VPS37C: variants seen among roughly 807,000 people sequenced by gnomAD.
VPS37C encodes vacuolar protein sorting-associated protein 37C.
A neutral mutation model predicts 16.1 loss-of-function variants in VPS37C; 9 were observed. That is an observed-to-expected ratio of 0.56 (90% CI 0.34 to 0.97). The LOEUF is 0.97. Ranked by LOEUF, VPS37C falls within the 50% of genes least tolerant of loss-of-function variation. The pLI, the probability that VPS37C is intolerant of heterozygous loss-of-function variation, is 0.02. For missense variants in VPS37C, 479 were observed against 472.7 expected (o/e 1.01, Z -0.12); for synonymous variants, 207 against 206.4 (o/e 1.00, Z -0.02).
chr11:61,139,804 T>C (rs1276047068), intron 1 of VPS37C, among the ~76,000 whole-genome samples: 3 of 149,316 alleles, frequency 2.0e-5, no homozygotes. Context: ...AAAGCAATGG[T>C]GCAAACAGGG....
At chr11:61,135,069 C>T (rs556659463) in intron 2 of VPS37C, among the ~76,000 whole-genome samples, 1 of 152,336 alleles carries the variant, frequency 6.6e-6, no homozygotes, top group South Asian at 2.1e-4. Flanking sequence ...GGCCTCGGCA[C>T]CCGCCACAGG....
At chr11:61,140,317 G>T (rs1316667230) in intron 1 of VPS37C, among the ~76,000 whole-genome samples, 1 of 152,158 alleles carries the variant, frequency 6.6e-6, no homozygotes, top group Non-Finnish European at 1.5e-5. Flanking sequence ...GTAAGAGGAG[G>T]ACTGAGAAAC....
chr11:61,134,095 T>G lies in VPS37C; in HGVS notation c.206A>C (p.Asp69Ala). 6.2e-7 allele frequency: 1 copy of G among 1,613,946 alleles called. No homozygotes were observed. Among genetic ancestry groups the G allele is most frequent in the Non-Finnish European group, 8.5e-7 (1 of 1,179,938 alleles). ...PLEISRSNLSDRYQELRKLVE... is the reference protein window; with the variant it reads ...PLEISRSNLSARYQELRKLVE... ...GAGCTTCCGGAGCTCCTGGTATCTA[T>G]CCGAGAGGTTTGAGCGGCTGATCTC... Residue 69 changes from aspartate (D) to alanine (A), a missense_variant, in exon 3 of 5, where the codon GAT becomes GCT. Transcript: ENST00000301765.
At chr11:61,152,322 C>T (rs1204808951) in intron 1 of VPS37C, among the ~76,000 whole-genome samples, 1 of 152,122 alleles carries the variant, frequency 6.6e-6, no homozygotes, top group Non-Finnish European at 1.5e-5. Context: ...GGTATAGCCA[C>T]AGAAAAAGAG....
intron 2 of VPS37C, among the ~76,000 whole-genome samples, chr11:61,135,360 T>G (rs536193472): frequency 6.6e-6 from 1 of 152,252 alleles, no homozygotes; most frequent in Admixed American, 6.5e-5. Context: ...CACAGCTTCC[T>G]GCCCTCCCTG....
intron 1 of VPS37C, among the ~76,000 whole-genome samples, chr11:61,141,153 G>A (rs979467159): frequency 2.0e-5 from 3 of 152,176 alleles, no homozygotes; most frequent in African/African-American, 7.2e-5. Flanking sequence ...CAGATCACCT[G>A]AGGTCAGGAG....
chr11:61,132,854 G>A, intron 4 of VPS37C: 1 of 544,918 alleles, frequency 1.8e-6, no homozygotes, highest in Admixed American at 3.2e-5. Flanking sequence ...CTAGCCCAGG[G>A]ACTGGGAGGG....
intron 1 of VPS37C, among the ~76,000 whole-genome samples, chr11:61,158,053 C>T (rs1853405916): frequency 6.6e-6 from 1 of 152,186 alleles, no homozygotes; most frequent in Non-Finnish European, 1.5e-5. Context: ...CTTGTACAGC[C>T]TGTAGAACCG....
At chr11:61,145,301 G>C (rs981198170) in intron 1 of VPS37C, 1 of 152,196 alleles carries the variant, frequency 6.6e-6, no homozygotes, top group African/African-American at 2.4e-5. Context: ...CCATCAGAGG[G>C]GTGCAGTGAG....
In VPS37C at chr11:61,130,767, C is replaced by G; in HGVS notation, c.*1053G>C. On this transcript the variant is annotated 3_prime_UTR_variant, in exon 5 of 5. Coordinates refer to ENST00000301765, the MANE Select transcript of VPS37C (RefSeq NM_017966.5). ...ACAGGGAGGTGTGAAAAAATTGCCC[C>G]TAATGTAGTGATGGTGTTTTTTAAA... 2.4e-6 allele frequency: 1 copy of G among 424,814 alleles called. No homozygotes were observed. The highest frequency in any genetic ancestry group is 1.7e-5 in the South Asian group (1 of 59,504). 26.3% of individuals were successfully genotyped at this position (424,814 alleles called of 1,614,324 possible). A position where few individuals can be genotyped will look rare whatever the true frequency, so the allele number is the denominator to read the frequency against.
chr11:61,135,981 A>G (rs938880702), intron 2 of VPS37C, among the ~76,000 whole-genome samples: 1 of 152,236 alleles, frequency 6.6e-6, no homozygotes, highest in Non-Finnish European at 1.5e-5. Flanking sequence ...CAATGGGTAG[A>G]AACATATAGG....
chr11:61,145,596 C>T (rs1333726805), intron 1 of VPS37C: 3 of 152,350 alleles, frequency 2.0e-5, no homozygotes. Context: ...TCCCTGGGTC[C>T]CTAATATGGA....
chr11:61,134,309 C>T (rs528295563), intron 2 of VPS37C, 102 bp from the exon 3 acceptor site: 11 of 1,329,402 alleles, frequency 8.3e-6, no homozygotes, highest in African/African-American at 5.8e-5. Context: ...CACCTTGGGG[C>T]GGAGAGGCTC....
At chr11:61,148,278 C>A in intron 1 of VPS37C, among the ~76,000 whole-genome samples, 1 of 152,138 alleles carries the variant, frequency 6.6e-6, no homozygotes, top group Non-Finnish European at 1.5e-5. Flanking sequence ...CCCGAAATCA[C>A]ACTGCAAGAA....
Position 61,132,350 on chromosome 11 carries a change from G to A in VPS37C, c.538C>T (p.Arg180Cys), listed in dbSNP as rs199507258. The A allele has an allele frequency of 3.4e-4, 549 of 1,598,880 alleles. 2 individuals are homozygous for A. Among genetic ancestry groups the A allele is most frequent in the Non-Finnish European group, 1.4e-4 (169 of 1,172,490 alleles). The stretch of plus-strand genomic sequence containing the variant: ...GGGGGTGTTCCCTGGGGGACTGGGC[G>A]CACCGGGGGTGGTGGACGGGGTGGA... ...APPPRPPPPV[R>C]PVPQGTPPVV... Residue 180 changes from arginine (R) to cysteine (C), a missense_variant, in exon 5 of 5, where the codon CGC becomes TGC. Transcript: ENST00000301765.
chr11:61,147,744 T>A (rs1458874648), intron 1 of VPS37C, among the ~76,000 whole-genome samples: 1 of 149,918 alleles, frequency 6.7e-6, no homozygotes, highest in Non-Finnish European at 1.5e-5. Context: ...TTCTAGACAG[T>A]GAGGGCACTG....
At position 61,132,071 on chromosome 11, in the gene VPS37C, G is replaced by A. The variant is rs756146546; in HGVS notation, c.817C>T (p.Pro273Ser). The A allele has an allele frequency of 1.4e-6, 2 of 1,398,916 alleles. No homozygotes were observed. The highest frequency in any genetic ancestry group is 9.3e-7 in the Non-Finnish European group (1 of 1,072,614). The allele number at this position is 1,398,916 out of a possible 1,614,324, so 86.7% of individuals were successfully genotyped here. The change falls in exon 5 of 5, where the codon CCT becomes TCT. Residue 273 changes from proline to serine, a missense_variant. Coordinates refer to ENST00000301765, the MANE Select transcript of VPS37C (RefSeq NM_017966.5). ...CCAGAGGCACCCATTGGGGTCCCAGGATAGCCCGGCCGGGGTGGCATGCTC... is the reference window on the plus strand; with the variant it reads ...CCAGAGGCACCCATTGGGGTCCCAGAATAGCCCGGCCGGGGTGGCATGCTC... Reference protein sequence around the residue: ...QRSMPPRPGYPGTPMGASGPG... With the variant: ...QRSMPPRPGYSGTPMGASGPG...
At chr11:61,150,438 TGG>T (rs1338080536) in intron 1 of VPS37C, among the ~76,000 whole-genome samples, 1 of 151,756 alleles carries the variant, frequency 6.6e-6, no homozygotes, top group East Asian at 1.9e-4. Context: ...CACCTGTCAA[TGG>T]GTGGCGGCGG....
chr11:61,133,218 C>T (rs1861304600), intron 4 of VPS37C, 37 bp downstream of exon 4: 2 of 1,609,192 alleles, frequency 1.2e-6, no homozygotes, highest in East Asian at 2.2e-5. Context: ...GACTGACACC[C>T]CGTCCAGGGA....
Sources: gnomAD v4.1 joint callset for allele counts (sites outside exome capture counted in the v4.1 genomes callset) on GRCh38, gnomAD v4.1.1 for gene constraint, MANE v1.5 for transcripts, NCBI Gene and HGNC (gene_info 2026-07-23, HGNC 2026-07-21) for gene names.